MAGI2: variants seen among roughly 807,000 people sequenced by gnomAD.
MAGI2 encodes the protein membrane-associated guanylate kinase, WW and PDZ domain-containing protein 2.
MAGI2 carries 35 observed loss-of-function variants against 133.3 expected under a neutral mutation model. The observed-to-expected ratio is 0.26, with a 90% CI of 0.20 to 0.35. MAGI2 has a LOEUF of 0.35. Ranked by LOEUF, MAGI2 falls within the 10% of genes least tolerant of loss-of-function variation. The pLI is 1.00. For missense variants in MAGI2, 1,636 were observed against 1,863.4 expected (o/e 0.88, Z 2.25); for synonymous variants, 729 against 710.6 (o/e 1.03, Z -0.41).
chr7:78,813,414 A>G, intron 2 of MAGI2, among the ~76,000 whole-genome samples: 1 of 152,254 alleles, frequency 6.6e-6, no homozygotes, highest in East Asian at 1.9e-4. Context: ...TGTTACCACA[A>G]CATTAACAGT....
chr7:79,150,139 C>T (rs1047328416), intron 1 of MAGI2, among the ~76,000 whole-genome samples: 1 of 151,976 alleles, frequency 6.6e-6, no homozygotes, highest in Non-Finnish European at 1.5e-5. Context: ...ACCACAATCA[C>T]GGTGGGGACA....
At chr7:78,998,691 C>A (rs7805367) in intron 2 of MAGI2, among the ~76,000 whole-genome samples, 1 of 151,960 alleles carries the variant, frequency 6.6e-6, no homozygotes, top group Non-Finnish European at 1.5e-5. Context: ...TTTGGCTAGG[C>A]GCATTTAAAT....
rs117132806 is a variant in MAGI2 at position 78,084,158 on chromosome 7, G to A, written c.3568-5073C>T. Among the ~76,000 whole-genome samples the A allele has an allele frequency of 3.9e-3, 588 of 152,308 alleles. 10 individuals carry two copies. In the South Asian group the frequency reaches 0.043, roughly 11 times the overall value. ...TAAAGTGATCCCAGATTATAACTAG[G>A]TATGAGGAATTGAGCTTCTTTGGAA... On this transcript the variant is annotated intron_variant, in intron 20 of 21. Coordinates refer to ENST00000354212, the MANE Select transcript of MAGI2 (RefSeq NM_012301.4).
At chr7:78,570,146 G>A (rs1584677630) in intron 3 of MAGI2, among the ~76,000 whole-genome samples, 2 of 152,244 alleles carry the variant, frequency 1.3e-5, no homozygotes, top group East Asian at 3.9e-4. Flanking sequence ...TTCCAACAGG[G>A]TAGAGTGGAA....
At chr7:79,100,440 C>T (rs2129543150) in intron 1 of MAGI2, among the ~76,000 whole-genome samples, 1 of 151,446 alleles carries the variant, frequency 6.6e-6, no homozygotes, top group African/African-American at 2.4e-5. Flanking sequence ...TCATTGTTTC[C>T]ATTCATATTT....
At chr7:79,303,923 A>G (rs1198005690) in intron 1 of MAGI2, among the ~76,000 whole-genome samples, 1 of 152,122 alleles carries the variant, frequency 6.6e-6, no homozygotes, top group Non-Finnish European at 1.5e-5. Flanking sequence ...ACAAATACAC[A>G]CACATATGTA....
At chr7:78,100,545 GCTCA>G (rs1278904966) in intron 20 of MAGI2, among the ~76,000 whole-genome samples, 1 of 150,812 alleles carries the variant, frequency 6.6e-6, no homozygotes, top group Non-Finnish European at 1.5e-5. Context: ...AGAGATGGGG[GCTCA>G]CTATGTTGAT....
intron 1 of MAGI2, among the ~76,000 whole-genome samples, chr7:79,013,761 T>C (rs1808415936): frequency 6.6e-6 from 1 of 152,170 alleles, no homozygotes; most frequent in Non-Finnish European, 1.5e-5. Flanking sequence ...AATCACTGCA[T>C]GCATTTGATC....
chr7:78,133,065 G>A lies in MAGI2; in HGVS notation c.3032-5C>T, dbSNP rs564451372. 2.9e-5 allele frequency: 44 copies of A among 1,539,776 alleles called. No individual in the cohort carries two copies. The South Asian group carries it at 4.6e-4, about 16-fold the overall frequency. ...CCGAGGTGGGGCTGTTGAGCTCTGC[G>A]ATGGAGAACCAAAGCGGCAGATGCA... On this transcript the variant is annotated splice_polypyrimidine_tract_variant and splice_region_variant and intron_variant, in intron 17 of 21. Coordinates refer to ENST00000354212, the MANE Select transcript of MAGI2 (RefSeq NM_012301.4).
At chr7:78,289,509 C>A (rs965338578) in intron 9 of MAGI2, among the ~76,000 whole-genome samples, 2 of 152,114 alleles carry the variant, frequency 1.3e-5, no homozygotes, top group Non-Finnish European at 2.9e-5. Context: ...AGAATAGAAC[C>A]AAGTTGGAAA....
chr7:78,512,747 A>G (rs1205618484), intron 4 of MAGI2, among the ~76,000 whole-genome samples: 1 of 152,196 alleles, frequency 6.6e-6, no homozygotes, highest in Admixed American at 6.5e-5. Flanking sequence ...GAGAATGCAT[A>G]TTTCGTGCCT....
intron 6 of MAGI2, among the ~76,000 whole-genome samples, chr7:78,399,988 C>T (rs1796711831): frequency 6.6e-6 from 1 of 151,904 alleles, no homozygotes; most frequent in Non-Finnish European, 1.5e-5. Context: ...CATGTAGGAA[C>T]ATCTTTGGTT....
intron 2 of MAGI2, among the ~76,000 whole-genome samples, chr7:78,764,199 G>C (rs1824786366): frequency 6.6e-6 from 1 of 152,154 alleles, no homozygotes; most frequent in Non-Finnish European, 1.5e-5. Context: ...TATAGAACAT[G>C]AGCCACAAGA....
intron 9 of MAGI2, among the ~76,000 whole-genome samples, chr7:78,312,901 T>C (rs1798832914): frequency 6.6e-6 from 1 of 150,866 alleles, no homozygotes; most frequent in Non-Finnish European, 1.5e-5. Context: ...AGGAAAATAT[T>C]ATATCAAAAA....
At chr7:78,592,277 C>T (rs551960377) in intron 3 of MAGI2, among the ~76,000 whole-genome samples, 14 of 151,904 alleles carry the variant, frequency 9.2e-5, no homozygotes, top group South Asian at 2.1e-4. Flanking sequence ...TATTTCAGAG[C>T]GCCAGGACCA....
At chr7:78,271,069 T>G (rs115770547) in intron 9 of MAGI2, among the ~76,000 whole-genome samples, 2,420 of 152,222 alleles carry the variant, frequency 0.016, 74 homozygotes, top group African/African-American at 0.055. Flanking sequence ...ATGCTTACAG[T>G]TTTTTCCTAT....
chr7:78,144,879 C>G (rs944032252), intron 16 of MAGI2, among the ~76,000 whole-genome samples: 1 of 152,128 alleles, frequency 6.6e-6, no homozygotes, highest in Non-Finnish European at 1.5e-5. Context: ...GTTCTCTCCA[C>G]TTGCCCCCCT....
chr7:78,430,651 G>A (rs1799705790), intron 6 of MAGI2, among the ~76,000 whole-genome samples: 1 of 152,042 alleles, frequency 6.6e-6, no homozygotes, highest in African/African-American at 2.4e-5. Context: ...GATAAGGCTG[G>A]AAGTGGACAA....
chr7:78,740,321 T>A (rs1822289436), intron 2 of MAGI2, among the ~76,000 whole-genome samples: 2 of 152,208 alleles, frequency 1.3e-5, no homozygotes, highest in African/African-American at 4.8e-5. Context: ...AGTACATACC[T>A]TGATATATTT....
Sources: gnomAD v4.1 joint callset for allele counts (sites outside exome capture counted in the v4.1 genomes callset) on GRCh38, gnomAD v4.1.1 for gene constraint, MANE v1.5 for transcripts, NCBI Gene and HGNC (gene_info 2026-07-23, HGNC 2026-07-21) for gene names.